Variants in CSMD1 observed in about 807,000 individuals in gnomAD.
The protein encoded by CSMD1 is CUB and Sushi multiple domains 1, also known as CUB and sushi domain-containing protein 1.
In CSMD1, 213 loss-of-function variants were observed where a neutral mutation model predicts 417.5. That is an observed-to-expected ratio of 0.51 (90% CI 0.46 to 0.57). The LOEUF (loss-of-function observed/expected upper bound fraction) is 0.57, where lower values mean the gene tolerates loss of function less well. Among genes scored for constraint, CSMD1 ranks in the 20% least tolerant of loss-of-function variants. The probability of loss-of-function intolerance (pLI) is 0.00; values close to 1 mark genes in which losing one functional copy is unlikely to be tolerated. For synonymous variants in CSMD1, 2,862 were observed against 1,736.8 expected, an observed-to-expected ratio of 1.65 and a Z score of -16.11; for missense variants, 6,923 against 4,529.7, an observed-to-expected ratio of 1.53 and a Z score of -15.17.
chr8:4,937,914 T>A (rs1807730713), intron 1 of CSMD1, among the ~76,000 whole-genome samples: 1 of 152,220 alleles, frequency 6.6e-6, no homozygotes, highest in African/African-American at 2.4e-5. Context: ...CTTTCCCAAA[T>A]GTCAGCTACC....
chr8:4,418,431 G>C (rs1035205719), intron 3 of CSMD1, among the ~76,000 whole-genome samples: 6 of 152,054 alleles, frequency 3.9e-5, no homozygotes, highest in African/African-American at 7.2e-5. Context: ...TTCATATAGT[G>C]ATTTCTCAAC....
In CSMD1 at chr8:2,997,937, G is replaced by A. The variant is rs76610425; in HGVS notation, c.8377+74C>T. On this transcript the variant is annotated intron_variant, in intron 54 of 69. Coordinates refer to ENST00000635120, the MANE Select transcript of CSMD1 (RefSeq NM_033225.6). ...GCATTACCCTTGATTCATGGAGACA[G>A]GCTCTTGATGGTGTTACTGGGCAGC... 1,121 of 1,397,496 alleles carry A rather than the reference G, an allele frequency of 8.0e-4. 11 individuals are homozygous for A. In the African/African-American group the frequency reaches 0.014, roughly 17 times the overall value. The allele number at this position is 1,397,496 out of a possible 1,614,324, so 86.6% of individuals were successfully genotyped here.
At chr8:4,409,678 TAA>T (rs1193479126) in intron 3 of CSMD1, among the ~76,000 whole-genome samples, 9 of 142,712 alleles carry the variant, frequency 6.3e-5, no homozygotes, top group Admixed American at 1.4e-4. Context: ...ATAAACCAGA[TAA>T]AGAGACAAAG....
At chr8:4,352,803 C>A (rs540772743) in intron 3 of CSMD1, among the ~76,000 whole-genome samples, 1 of 152,276 alleles carries the variant, frequency 6.6e-6, no homozygotes, top group Non-Finnish European at 1.5e-5. Flanking sequence ...TGGCTGTTGC[C>A]GTCCATTTCA....
intron 5 of CSMD1, among the ~76,000 whole-genome samples, chr8:3,852,559 G>A (rs922416429): frequency 1.3e-5 from 2 of 152,156 alleles, no homozygotes; most frequent in African/African-American, 4.8e-5. Flanking sequence ...AGGAAGGTGG[G>A]AGGAGGGATG....
chr8:3,551,089 T>C (rs117695192), intron 10 of CSMD1, among the ~76,000 whole-genome samples: 1,957 of 152,268 alleles, frequency 0.013, 18 homozygotes, highest in East Asian at 0.062. Context: ...CAGAACAAGG[T>C]AGCAGTTAAG....
intron 3 of CSMD1, among the ~76,000 whole-genome samples, chr8:4,255,892 C>A (rs556269800): frequency 1.1e-4 from 16 of 152,194 alleles, no homozygotes; most frequent in Non-Finnish European, 8.8e-5. Flanking sequence ...TAATGGTAAA[C>A]CCATGAGGGC....
At chr8:3,614,198 A>G (rs1480582432) in intron 8 of CSMD1, among the ~76,000 whole-genome samples, 1 of 152,178 alleles carries the variant, frequency 6.6e-6, no homozygotes, top group African/African-American at 2.4e-5. Flanking sequence ...TGCTACAAAC[A>G]TAGAGACATA....
intron 26 of CSMD1, among the ~76,000 whole-genome samples, chr8:3,247,091 G>T (rs1799930565): frequency 6.6e-6 from 1 of 152,224 alleles, no homozygotes; most frequent in Middle Eastern, 3.4e-3. Context: ...GCACAAATAT[G>T]GTGAGAAGCT....
intron 22 of CSMD1, among the ~76,000 whole-genome samples, chr8:3,344,898 C>G (rs1272281483): frequency 2.6e-5 from 4 of 152,184 alleles, no homozygotes; most frequent in Non-Finnish European, 4.4e-5. Flanking sequence ...AATCTCCTTA[C>G]TAAAAGACTA....
chr8:4,311,187 G>A (rs762848667), intron 3 of CSMD1, among the ~76,000 whole-genome samples: 1 of 152,124 alleles, frequency 6.6e-6, no homozygotes, highest in Non-Finnish European at 1.5e-5. Flanking sequence ...CCACCATAAA[G>A]ACACATGCAC....
chr8:4,666,145 C>T (rs2617021), intron 1 of CSMD1, among the ~76,000 whole-genome samples: 104,644 of 152,010 alleles, frequency 0.69, 37,060 homozygotes, highest in African/African-American at 0.85. Flanking sequence ...GCCTGTCATA[C>T]AGCACATCCT....
chr8:3,354,959 A>C (rs1046336792), intron 21 of CSMD1, among the ~76,000 whole-genome samples: 1 of 95,114 alleles, frequency 1.1e-5, no homozygotes, highest in Non-Finnish European at 2.2e-5. Context: ...ACAGAGAAAG[A>C]GAGTTTAGTG....
At chr8:3,272,274 T>C (rs1489106876) in intron 26 of CSMD1, among the ~76,000 whole-genome samples, 1 of 144,606 alleles carries the variant, frequency 6.9e-6, no homozygotes, top group East Asian at 2.0e-4. Context: ...GGCTCTGTTC[T>C]ATTCCATTGA....
At chr8:4,017,461 C>A (rs1321412417) in intron 4 of CSMD1, among the ~76,000 whole-genome samples, 4 of 152,088 alleles carry the variant, frequency 2.6e-5, no homozygotes, top group East Asian at 3.9e-4. Context: ...CATGCACCAG[C>A]ATTCCCAGCT....
At chr8:4,332,457 G>C (rs776876468) in intron 3 of CSMD1, among the ~76,000 whole-genome samples, 3 of 151,904 alleles carry the variant, frequency 2.0e-5, no homozygotes, top group Non-Finnish European at 4.4e-5. Context: ...AAAACAGTGT[G>C]TACTGTCTCT....
chr8:3,676,153 T>C (rs1050948343), intron 7 of CSMD1, among the ~76,000 whole-genome samples: 2 of 152,230 alleles, frequency 1.3e-5, no homozygotes, highest in Non-Finnish European at 2.9e-5. Context: ...AGGTAAATTG[T>C]TTATTTTCTT....
chr8:4,242,505 T>C (rs1802461683), intron 3 of CSMD1, among the ~76,000 whole-genome samples: 1 of 152,256 alleles, frequency 6.6e-6, no homozygotes, highest in Non-Finnish European at 1.5e-5. Context: ...ATTTTCATAT[T>C]TATTAAGTAT....
chr8:4,148,960 T>A (rs1278649822), intron 3 of CSMD1, among the ~76,000 whole-genome samples: 1 of 107,180 alleles, frequency 9.3e-6, no homozygotes. Flanking sequence ...AAACATTTCA[T>A]ATTAACTTTT....
Sources: gnomAD v4.1 joint callset for allele counts (sites outside exome capture counted in the v4.1 genomes callset) on GRCh38, gnomAD v4.1.1 for gene constraint, MANE v1.5 for transcripts, NCBI Gene and HGNC (gene_info 2026-07-23, HGNC 2026-07-21) for gene names.